Variants in SEPTIN7 observed in about 807,000 individuals in gnomAD.
The protein encoded by SEPTIN7 is septin 7.
In SEPTIN7, 10 loss-of-function variants were observed where a neutral mutation model predicts 63.3. That is an observed-to-expected ratio of 0.16 (90% CI 0.10 to 0.27). SEPTIN7 has a LOEUF of 0.27. Ranked by LOEUF, SEPTIN7 falls within the 10% of genes least tolerant of loss-of-function variation. The pLI is 1.00. For synonymous variants in SEPTIN7, 131 were observed against 165.3 expected, an observed-to-expected ratio of 0.79 and a Z score of 1.59; for missense variants, 310 against 521.0, an observed-to-expected ratio of 0.59 and a Z score of 3.94.
chr7:35,876,704 C>T (rs1377983805), intron 6 of SEPTIN7, among the ~76,000 whole-genome samples: 5 of 152,146 alleles, frequency 3.3e-5, no homozygotes, highest in Non-Finnish European at 7.4e-5. Flanking sequence ...CGCAGTGGCT[C>T]ACACCTGTAA....
At chr7:35,821,866 C>T (rs1369581478) in intron 1 of SEPTIN7, among the ~76,000 whole-genome samples, 1 of 152,188 alleles carries the variant, frequency 6.6e-6, no homozygotes, top group African/African-American at 2.4e-5. Context: ...GCAACATCCA[C>T]CTCCGGGGTT....
intron 1 of SEPTIN7, among the ~76,000 whole-genome samples, chr7:35,806,295 T>C (rs573019877): frequency 1.2e-4 from 19 of 152,368 alleles, no homozygotes; most frequent in African/African-American, 4.6e-4. Context: ...CTAGATTTTT[T>C]TGTATTAAAA....
intron 3 of SEPTIN7, among the ~76,000 whole-genome samples, chr7:35,836,938 TTAACTGA>T (rs1784112685): frequency 6.8e-6 from 1 of 147,764 alleles, no homozygotes; most frequent in Non-Finnish European, 1.5e-5. Context: ...TAGAAGTAAC[TTAACTGA>T]TAATGACTTC....
intron 3 of SEPTIN7, among the ~76,000 whole-genome samples, chr7:35,846,430 A>G (rs915086949): frequency 6.6e-6 from 1 of 152,186 alleles, no homozygotes; most frequent in Non-Finnish European, 1.5e-5. Flanking sequence ...TGTCGTACCA[A>G]CTAATACAGT....
chr7:35,896,450 A>G (rs139155462), intron 11 of SEPTIN7, among the ~76,000 whole-genome samples: 93 of 152,244 alleles, frequency 6.1e-4, no homozygotes, highest in Middle Eastern at 6.8e-3. Context: ...AAAATCTAAC[A>G]AAAGCTTTGG....
intron 1 of SEPTIN7, 95 bp downstream of exon 1, chr7:35,801,365 G>A (rs1407235051): frequency 7.0e-7 from 1 of 1,422,214 alleles, no homozygotes; most frequent in Non-Finnish European, 9.3e-7. Flanking sequence ...AACGCCCTGA[G>A]GCGAGGCGGA....
rs115953861 is a variant in SEPTIN7, at chr7:35,811,275, C to T, written c.61+10005C>T. Among the ~76,000 whole-genome samples the T allele has an allele frequency of 3.2e-3, 493 of 151,742 alleles. 5 individuals are homozygous for T. Among genetic ancestry groups the T allele is most frequent in the African/African-American group, 0.011 (465 of 41,360 alleles). ...ACATGTAACATTTTGGGGTATGAGG[C>T]GATCTATACAAGGAAAAATTTTCCA... On this transcript the variant is annotated intron_variant, in intron 1 of 13. Transcript: ENST00000350320.
rs539073164 is a variant in SEPTIN7, at chr7:35,865,257, T to C, written c.276+1599T>C. 2.0e-5 allele frequency among the ~76,000 whole-genome samples: 3 copies of C among 152,326 alleles called. No homozygotes were observed. In the East Asian group the frequency reaches 5.8e-4, roughly 29 times the overall value. On this transcript the variant is annotated intron_variant, in intron 4 of 13. Transcript: ENST00000350320. ...AAGATAAAACTAACCACTACCCAAA[T>C]TAATGTACAGTTCATTTCCAGAACC...
intron 1 of SEPTIN7, among the ~76,000 whole-genome samples, chr7:35,821,143 T>C (rs1276524413): frequency 1.3e-5 from 2 of 152,130 alleles, no homozygotes; most frequent in Non-Finnish European, 2.9e-5. Flanking sequence ...ACTGTAGAGG[T>C]AGAGAGATGA....
intron 1 of SEPTIN7, among the ~76,000 whole-genome samples, chr7:35,816,816 G>A (rs1401473469): frequency 6.6e-6 from 1 of 152,108 alleles, no homozygotes; most frequent in African/African-American, 2.4e-5. Flanking sequence ...TTTCCCTAAT[G>A]ATGTTGAACA....
Position 35,891,884 on chromosome 7 carries a change from T to C in SEPTIN7, c.998+1091T>C, listed in dbSNP as rs149688703. Among the ~76,000 whole-genome samples the C allele has an allele frequency of 9.9e-3, 1,506 of 152,326 alleles. 10 individuals are homozygous for C. Among genetic ancestry groups the C allele is most frequent in the Middle Eastern group, 0.017 (5 of 294 alleles). Reference sequence around the variant, plus strand: ...ATGTAGAAAGATATTATCTTTATAATCTTTATAAGCTTTTTTCTATTTTAA... The same window carrying C: ...ATGTAGAAAGATATTATCTTTATAACCTTTATAAGCTTTTTTCTATTTTAA... On this transcript the variant is annotated intron_variant, in intron 11 of 13. Coordinates refer to ENST00000350320, the MANE Select transcript of SEPTIN7 (RefSeq NM_001788.6).
downstream of SEPTIN7, among the ~76,000 whole-genome samples, chr7:35,908,464 A>G (rs1380899974): frequency 2.1e-4 from 32 of 152,156 alleles, no homozygotes; most frequent in Admixed American, 2.0e-3. Flanking sequence ...CAGGCTCTCA[A>G]AAAGGGTAGC....
chr7:35,913,249 C>T, the SEPTIN7 span, among the ~76,000 whole-genome samples: 67 of 152,316 alleles, frequency 4.4e-4, no homozygotes, highest in African/African-American at 1.4e-3. Context: ...AACAGGTGGG[C>T]CTCCAGAATT....
chr7:35,912,125 C>T, the SEPTIN7 span, among the ~76,000 whole-genome samples: 1 of 152,204 alleles, frequency 6.6e-6, no homozygotes, highest in Non-Finnish European at 1.5e-5. Context: ...ATATTGGGAG[C>T]AGGCCTCCCA....
chr7:35,869,191 A>G (rs567345197), intron 4 of SEPTIN7, among the ~76,000 whole-genome samples: 1 of 152,182 alleles, frequency 6.6e-6, no homozygotes, highest in Non-Finnish European at 1.5e-5. Context: ...TCTCAGTGTA[A>G]GGAGACAGGG....
chr7:35,908,121 T>C (rs1788667401), downstream of SEPTIN7, among the ~76,000 whole-genome samples: 1 of 152,200 alleles, frequency 6.6e-6, no homozygotes, highest in Admixed American at 6.5e-5. Flanking sequence ...GTGTTAGTAA[T>C]TGGAGTTATA....
rs537177300 is a variant in SEPTIN7 at position 35,891,052 on chromosome 7, T to C, written c.998+259T>C. Reference sequence around the variant, plus strand: ...CAAAAGGAATATTTAGATGAATTTGTTCTTGGTTACCTTCTCTATTCCTAT... The same window carrying C: ...CAAAAGGAATATTTAGATGAATTTGCTCTTGGTTACCTTCTCTATTCCTAT... On this transcript the variant is annotated intron_variant, in intron 11 of 13. Coordinates refer to ENST00000350320, the MANE Select transcript of SEPTIN7 (RefSeq NM_001788.6). Among the ~76,000 whole-genome samples, 16 of 152,358 alleles carry C rather than the reference T, an allele frequency of 1.1e-4. No homozygotes were observed. In the South Asian group the frequency reaches 1.7e-3, roughly 16 times the overall value.
chr7:35,869,414 A>G (rs1247934434), intron 4 of SEPTIN7, among the ~76,000 whole-genome samples: 1 of 152,178 alleles, frequency 6.6e-6, no homozygotes, highest in African/African-American at 2.4e-5. Flanking sequence ...AGCAAAATAG[A>G]TAGTTTTTGT....
chr7:35,879,561 T>C (rs1268601386), intron 6 of SEPTIN7: 2 of 275,880 alleles, frequency 7.2e-6, no homozygotes, highest in Non-Finnish European at 6.9e-6. Context: ...GAAATTCTAT[T>C]AGGAGCCTTT....
Sources: allele counts gnomAD v4.1 joint callset (sites outside exome capture counted in the v4.1 genomes callset), GRCh38; gene constraint gnomAD v4.1.1; transcripts MANE v1.5; gene names NCBI Gene and HGNC (gene_info 2026-07-23, HGNC 2026-07-21).